ZFAT: variants seen among roughly 807,000 people sequenced by gnomAD.
ZFAT encodes the protein zinc finger and AT-hook domain containing.
ZFAT carries 64 observed loss-of-function variants against 117.7 expected under a neutral mutation model. That is an observed-to-expected ratio of 0.54 (90% CI 0.44 to 0.67). ZFAT has a LOEUF of 0.67. ZFAT is among the 30% of genes least tolerant of loss of function. ZFAT has a pLI of 0.00. For missense variants in ZFAT, 1,433 were observed against 1,584.5 expected (o/e 0.90, Z 1.62); for synonymous variants, 679 against 615.0 (o/e 1.10, Z -1.54).
At chr8:134,489,264 C>T (rs1246906209) in intron 15 of ZFAT, among the ~76,000 whole-genome samples, 3 of 152,022 alleles carry the variant, frequency 2.0e-5, no homozygotes, top group Non-Finnish European at 4.4e-5. Flanking sequence ...AGAGGATGGG[C>T]CTGAACACAG....
chr8:134,827,997 A>T, the ZFAT span, among the ~76,000 whole-genome samples: 7 of 152,204 alleles, frequency 4.6e-5, no homozygotes, highest in Non-Finnish European at 8.8e-5. Flanking sequence ...CTTGGCACAA[A>T]TATTTGTAAA....
intron 12 of ZFAT, among the ~76,000 whole-genome samples, chr8:134,527,204 G>T (rs1309336105): frequency 6.6e-6 from 1 of 152,186 alleles, no homozygotes; most frequent in Non-Finnish European, 1.5e-5. Flanking sequence ...GGCTAGAAAA[G>T]GCCAGGAAAG....
At chr8:134,494,290 G>T (rs375212409) in intron 15 of ZFAT, among the ~76,000 whole-genome samples, 1 of 152,200 alleles carries the variant, frequency 6.6e-6, no homozygotes, top group African/African-American at 2.4e-5. Context: ...CCACCTGCCT[G>T]ACTTTCACAA....
chr8:134,619,023 G>A (rs928264996), intron 3 of ZFAT, among the ~76,000 whole-genome samples: 1 of 152,180 alleles, frequency 6.6e-6, no homozygotes, highest in Non-Finnish European at 1.5e-5. Context: ...AGGCCTTTGG[G>A]AAGTAGGAAA....
chr8:134,831,605 CAG>C, the ZFAT span, among the ~76,000 whole-genome samples: 1 of 152,218 alleles, frequency 6.6e-6, no homozygotes, highest in African/African-American at 2.4e-5. Flanking sequence ...GTCCCGAGGG[CAG>C]AGTTTCTTGC....
At chr8:134,826,788 G>T in the ZFAT span, among the ~76,000 whole-genome samples, 1 of 152,148 alleles carries the variant, frequency 6.6e-6, no homozygotes, top group Non-Finnish European at 1.5e-5. Context: ...TCTATTTAGA[G>T]TAACCGATTA....
chr8:134,718,251 C>G, the ZFAT span, among the ~76,000 whole-genome samples: 1 of 152,140 alleles, frequency 6.6e-6, no homozygotes, highest in South Asian at 2.1e-4. Flanking sequence ...GTAATTCCAG[C>G]ACTTTGGGAG....
At chr8:134,655,941 C>G (rs1041368427) in intron 2 of ZFAT, among the ~76,000 whole-genome samples, 1 of 152,136 alleles carries the variant, frequency 6.6e-6, no homozygotes, top group African/African-American at 2.4e-5. Context: ...GTAGTCACAG[C>G]TGCTCAGGTG....
At chr8:134,813,404 A>G in the ZFAT span, among the ~76,000 whole-genome samples, 7 of 152,162 alleles carry the variant, frequency 4.6e-5, no homozygotes, top group Admixed American at 2.0e-4. Flanking sequence ...AGATTGCTAA[A>G]GCTATTGCCA....
the ZFAT span, among the ~76,000 whole-genome samples, chr8:134,775,989 A>G: frequency 1.5e-4 from 23 of 152,372 alleles, no homozygotes; most frequent in African/African-American, 5.3e-4. Flanking sequence ...TTTTACACTC[A>G]TCTTGTTACT....
the ZFAT span, among the ~76,000 whole-genome samples, chr8:134,778,848 G>C: frequency 2.0e-5 from 3 of 152,266 alleles, no homozygotes; most frequent in African/African-American, 7.2e-5. Flanking sequence ...GGAAGTAAAC[G>C]TGGTTTACAA....
chr8:134,703,056 TCAA>T (rs149672232), intron 1 of ZFAT, among the ~76,000 whole-genome samples: 84 of 152,356 alleles, frequency 5.5e-4, no homozygotes, highest in African/African-American at 1.9e-3. Context: ...AAGTGTACCT[TCAA>T]CATTGTAAGA....
chr8:134,830,236 A>G, the ZFAT span, among the ~76,000 whole-genome samples: 2 of 152,244 alleles, frequency 1.3e-5, no homozygotes, highest in African/African-American at 4.8e-5. Flanking sequence ...TAATCTTTTC[A>G]GGTTGTAACA....
At chr8:134,562,935 G>A (rs1043927840) in intron 11 of ZFAT, among the ~76,000 whole-genome samples, 1 of 152,184 alleles carries the variant, frequency 6.6e-6, no homozygotes, top group Admixed American at 6.5e-5. Context: ...GCTTCACAGT[G>A]TAAACCAAGG....
intron 15 of ZFAT, among the ~76,000 whole-genome samples, chr8:134,484,767 G>A (rs747647119): frequency 5.3e-5 from 8 of 152,084 alleles, no homozygotes; most frequent in East Asian, 1.9e-4. Flanking sequence ...GATTTTCCCC[G>A]GAATAACAAT....
chr8:134,761,528 C>T, the ZFAT span, among the ~76,000 whole-genome samples: 12 of 151,012 alleles, frequency 7.9e-5, no homozygotes, highest in South Asian at 8.4e-4. Flanking sequence ...GGTGAAACCC[C>T]GTCTCTACTA....
the ZFAT span, among the ~76,000 whole-genome samples, chr8:134,761,198 T>C: frequency 2.0e-5 from 3 of 152,288 alleles, no homozygotes; most frequent in African/African-American, 7.2e-5. Context: ...ATTGAGCCCC[T>C]ACTGTGGGCT....
At chr8:134,801,788 T>C in the ZFAT span, among the ~76,000 whole-genome samples, 1 of 152,338 alleles carries the variant, frequency 6.6e-6, no homozygotes, top group East Asian at 1.9e-4. Flanking sequence ...GATTAATACA[T>C]GTTTTTAAGT....
chr8:134,563,313 G>A (rs548471436), intron 11 of ZFAT, among the ~76,000 whole-genome samples: 1 of 152,100 alleles, frequency 6.6e-6, no homozygotes, highest in Non-Finnish European at 1.5e-5. Flanking sequence ...CTCCCTTTCT[G>A]CCCCCAACAA....
Sources: gnomAD v4.1 joint callset for allele counts (sites outside exome capture counted in the v4.1 genomes callset) on GRCh38, gnomAD v4.1.1 for gene constraint, MANE v1.5 for transcripts, NCBI Gene and HGNC (gene_info 2026-07-23, HGNC 2026-07-21) for gene names.